Variants in RGS6 observed in about 807,000 individuals in gnomAD.
RGS6 encodes regulator of G protein signaling 6, also known as regulator of G-protein signaling 6.
RGS6 carries 30 observed loss-of-function variants against 78.5 expected under a neutral mutation model. That is an observed-to-expected ratio of 0.38 (90% CI 0.29 to 0.52). RGS6 has a LOEUF of 0.52. Ranked by LOEUF, RGS6 falls within the 20% of genes least tolerant of loss-of-function variation. RGS6 has a pLI of 0.85. For missense variants in RGS6, 495 were observed against 609.7 expected (o/e 0.81, Z 1.98); for synonymous variants, 206 against 206.0 (o/e 1.00, Z 0.00).
At position 72,142,064 on chromosome 14, in the gene RGS6, G is replaced by C. The variant is rs116847796; in HGVS notation, c.84+177189G>C. Among the ~76,000 whole-genome samples the C allele has an allele frequency of 1.6e-4, 24 of 152,230 alleles. No homozygotes were observed. The East Asian group carries it at 4.4e-3, about 28-fold the overall frequency. On this transcript the variant is annotated intron_variant, in intron 2 of 17. Transcript: ENST00000553525. ...TACCCAGCCAGGACCTTCTGAGAGA[G>C]AAAAGTGGTATATTTAGTAGTCACC...
intron 2 of RGS6, among the ~76,000 whole-genome samples, chr14:72,141,509 G>C (rs1017502131): frequency 1.3e-5 from 2 of 152,144 alleles, no homozygotes; most frequent in African/African-American, 4.8e-5. Flanking sequence ...TTCTCTCCGG[G>C]TAATATCTGG....
chr14:72,359,582 G>T (rs1242019853), intron 3 of RGS6, among the ~76,000 whole-genome samples: 1 of 152,136 alleles, frequency 6.6e-6, no homozygotes, highest in Non-Finnish European at 1.5e-5. Context: ...GAATAATGAG[G>T]TCACCAAGGG....
At chr14:72,537,151 A>T (rs913056781) in intron 16 of RGS6, among the ~76,000 whole-genome samples, 1 of 152,124 alleles carries the variant, frequency 6.6e-6, no homozygotes. Context: ...AGTGTGGCTC[A>T]ACTTGCACCA....
intron 15 of RGS6, among the ~76,000 whole-genome samples, chr14:72,521,060 G>A (rs964604854): frequency 5.9e-5 from 9 of 152,282 alleles, no homozygotes; most frequent in East Asian, 3.9e-4. Context: ...CTTTTCAGTC[G>A]ACAGAGCTAG....
At chr14:71,881,249 C>G in the RGS6 span, among the ~76,000 whole-genome samples, 2 of 152,140 alleles carry the variant, frequency 1.3e-5, no homozygotes, top group Non-Finnish European at 2.9e-5. Flanking sequence ...AAGGGACTTG[C>G]CTTGCCTTAG....
At chr14:72,328,070 G>C (rs1483767413) in intron 2 of RGS6, among the ~76,000 whole-genome samples, 1 of 152,174 alleles carries the variant, frequency 6.6e-6, no homozygotes, top group African/African-American at 2.4e-5. Context: ...CAGCAGCTCT[G>C]ATGTCCCAGG....
At chr14:72,058,691 G>A (rs995690869) in intron 2 of RGS6, among the ~76,000 whole-genome samples, 2 of 152,234 alleles carry the variant, frequency 1.3e-5, no homozygotes, top group Admixed American at 6.5e-5. Flanking sequence ...CCCAGTCATG[G>A]CTGGAGGCAC....
rs146658741 is a variant in RGS6, at chr14:72,165,098, A to C, written c.85-186997A>C. Among the ~76,000 whole-genome samples the C allele has an allele frequency of 3.0e-3, 450 of 152,344 alleles. 2 individuals are homozygous for C. The highest frequency in any genetic ancestry group is 0.01 in the African/African-American group (433 of 41,580). On this transcript the variant is annotated intron_variant, in intron 2 of 17. Transcript: ENST00000553525. ...GCTGATACTTTGGGAATTCCAAGAA[A>C]GAGCCAGGAACCCTGCTAGGAATAG...
intron 3 of RGS6, among the ~76,000 whole-genome samples, chr14:72,431,663 G>A (rs756413356): frequency 4.6e-5 from 7 of 152,018 alleles, no homozygotes; most frequent in Non-Finnish European, 7.4e-5. Flanking sequence ...GTACTGTAGA[G>A]TGCTTTATAC....
intron 3 of RGS6, among the ~76,000 whole-genome samples, chr14:72,453,986 G>A (rs2095564089): frequency 6.6e-6 from 1 of 152,262 alleles, no homozygotes; most frequent in South Asian, 2.1e-4. Flanking sequence ...CCATATCTAA[G>A]TGCAGGGGAG....
chr14:72,610,189 C>T, the RGS6 span, among the ~76,000 whole-genome samples: 1 of 152,236 alleles, frequency 6.6e-6, no homozygotes, highest in African/African-American at 2.4e-5. Context: ...ATCTGCAGGT[C>T]TAGAGACATC....
chr14:72,268,949 C>T (rs192948188), intron 2 of RGS6, among the ~76,000 whole-genome samples: 9 of 152,328 alleles, frequency 5.9e-5, no homozygotes, highest in Admixed American at 1.3e-4. Context: ...GCTGGCAATT[C>T]GACCTGATCT....
chr14:72,375,228 T>C (rs1286723272), intron 3 of RGS6, among the ~76,000 whole-genome samples: 3 of 152,158 alleles, frequency 2.0e-5, no homozygotes, highest in Non-Finnish European at 4.4e-5. Context: ...AATTTAAAGA[T>C]CTAATAGTTG....
intron 2 of RGS6, among the ~76,000 whole-genome samples, chr14:72,251,459 C>G (rs2055754968): frequency 6.6e-6 from 1 of 152,160 alleles, no homozygotes; most frequent in Admixed American, 6.5e-5. Context: ...AGAAAGTTAG[C>G]AAGTCCTTGG....
intron 12 of RGS6, among the ~76,000 whole-genome samples, chr14:72,490,694 A>AC (rs769938147): frequency 1.4e-4 from 22 of 152,326 alleles, no homozygotes; most frequent in Middle Eastern, 6.8e-3. Flanking sequence ...TTCAACTGGG[A>AC]CCACTGCTGC....
intron 3 of RGS6, among the ~76,000 whole-genome samples, chr14:72,389,770 CA>C (rs2089424886): frequency 6.6e-6 from 1 of 152,072 alleles, no homozygotes; most frequent in Non-Finnish European, 1.5e-5. Flanking sequence ...AAGGGGAATC[CA>C]CAACAAAAAA....
At chr14:72,541,418 C>A in intron 17 of RGS6, 1 of 1,519,362 alleles carries the variant, frequency 6.6e-7, no homozygotes, top group Non-Finnish European at 8.8e-7. Context: ...GGTATCCATC[C>A]CTTCCCTTCC....
chr14:72,383,002 AGTATACTCATAAT>A (rs1482740657), intron 3 of RGS6, among the ~76,000 whole-genome samples: 3 of 151,836 alleles, frequency 2.0e-5, no homozygotes. Context: ...TCAATCTCAA[AGTATACTCATAAT>A]GTTTTCTTCT....
intron 2 of RGS6, among the ~76,000 whole-genome samples, chr14:72,102,391 A>G (rs1472798614): frequency 1.3e-5 from 2 of 152,236 alleles, no homozygotes; most frequent in Non-Finnish European, 2.9e-5. Context: ...AGAAATGAAA[A>G]TAAAAACTTA....
Sources: gnomAD v4.1 joint callset for allele counts (sites outside exome capture counted in the v4.1 genomes callset) on GRCh38, gnomAD v4.1.1 for gene constraint, MANE v1.5 for transcripts, NCBI Gene and HGNC (gene_info 2026-07-23, HGNC 2026-07-21) for gene names.